WDR70: variants seen among roughly 807,000 people sequenced by gnomAD.
WDR70 encodes WD repeat-containing protein 70.
A neutral mutation model predicts 88.6 loss-of-function variants in WDR70; 53 were observed. That is an observed-to-expected ratio of 0.60 (90% CI 0.48 to 0.75). The LOEUF is 0.75. Among genes scored for constraint, WDR70 ranks in the 30% least tolerant of loss-of-function variants. The pLI is 0.00. For synonymous variants in WDR70, 280 were observed against 270.0 expected (o/e 1.04, Z -0.36); for missense variants, 610 against 823.2 (o/e 0.74, Z 3.17).
chr5:37,389,595 G>A (rs573253496), intron 3 of WDR70, among the ~76,000 whole-genome samples: 2 of 152,010 alleles, frequency 1.3e-5, no homozygotes, highest in South Asian at 2.1e-4. Context: ...TGTATTTTTA[G>A]TAGAGACGGG....
intron 10 of WDR70, among the ~76,000 whole-genome samples, chr5:37,688,229 C>T (rs1332679404): frequency 6.6e-6 from 1 of 152,132 alleles, no homozygotes; most frequent in Admixed American, 6.5e-5. Flanking sequence ...ACTTCAATCT[C>T]TTTATTTTAC....
At chr5:37,600,716 A>C (rs1743856346) in intron 9 of WDR70, among the ~76,000 whole-genome samples, 1 of 152,172 alleles carries the variant, frequency 6.6e-6, no homozygotes, top group Non-Finnish European at 1.5e-5. Flanking sequence ...CATTTTTCAT[A>C]CCCACTAGAA....
At chr5:37,730,251 T>G (rs1561095256) in intron 17 of WDR70, among the ~76,000 whole-genome samples, 2 of 152,186 alleles carry the variant, frequency 1.3e-5, no homozygotes, top group Non-Finnish European at 2.9e-5. Context: ...AGTATGAAAT[T>G]TAACTTTAAA....
At chr5:37,695,646 A>G (rs1403819895) in intron 10 of WDR70, among the ~76,000 whole-genome samples, 1 of 152,138 alleles carries the variant, frequency 6.6e-6, no homozygotes, top group Non-Finnish European at 1.5e-5. Flanking sequence ...CACTTCTCAT[A>G]TCTCAAATTT....
At chr5:37,497,684 A>AT (rs1740273339) in intron 8 of WDR70, among the ~76,000 whole-genome samples, 1 of 151,518 alleles carries the variant, frequency 6.6e-6, no homozygotes, top group Non-Finnish European at 1.5e-5. Context: ...TTAATTAATT[A>AT]TTTTTTTTCT....
chr5:37,737,477 G>C (rs1218459755), intron 17 of WDR70, among the ~76,000 whole-genome samples: 1 of 152,154 alleles, frequency 6.6e-6, no homozygotes, highest in East Asian at 1.9e-4. Context: ...TGTAACAGAG[G>C]GAACACTGGA....
At chr5:37,495,809 T>G (rs1432289676) in intron 8 of WDR70, among the ~76,000 whole-genome samples, 1 of 152,218 alleles carries the variant, frequency 6.6e-6, no homozygotes, top group Non-Finnish European at 1.5e-5. Context: ...GAATCCTTAG[T>G]TGAACTTCAT....
intron 5 of WDR70, among the ~76,000 whole-genome samples, chr5:37,426,890 C>T (rs1459571186): frequency 6.6e-6 from 1 of 151,678 alleles, no homozygotes; most frequent in Non-Finnish European, 1.5e-5. Context: ...ATGATCCCAC[C>T]TCAGTCTCCC....
At chr5:37,659,998 A>T (rs1745659815) in intron 10 of WDR70, among the ~76,000 whole-genome samples, 1 of 152,186 alleles carries the variant, frequency 6.6e-6, no homozygotes, top group African/African-American at 2.4e-5. Context: ...TTTATGTCAA[A>T]ATATTTTCTA....
At chr5:37,506,229 A>G in intron 8 of WDR70, 1 of 969,422 alleles carries the variant, frequency 1.0e-6, no homozygotes, top group Non-Finnish European at 1.7e-6. Context: ...TGGAGTTGCT[A>G]TCAAAAATCG....
chr5:37,636,401 C>T (rs1399175525), intron 10 of WDR70, among the ~76,000 whole-genome samples: 1 of 152,202 alleles, frequency 6.6e-6, no homozygotes, highest in South Asian at 2.1e-4. Flanking sequence ...TTATTGTAAT[C>T]AGGAATCATT....
intron 17 of WDR70, among the ~76,000 whole-genome samples, chr5:37,728,364 C>CAA (rs5867361): frequency 7.4e-6 from 1 of 134,316 alleles, no homozygotes; most frequent in Admixed American, 7.4e-5. Context: ...AAAAAAAAAA[C>CAA]AAAAAAAAAA....
intron 9 of WDR70, among the ~76,000 whole-genome samples, chr5:37,559,973 C>T (rs1285206046): frequency 6.6e-6 from 1 of 151,714 alleles, no homozygotes; most frequent in African/African-American, 2.4e-5. Flanking sequence ...CTTGTTTTGA[C>T]TCATGAGCTT....
intron 9 of WDR70, among the ~76,000 whole-genome samples, chr5:37,530,923 T>G (rs1741463866): frequency 6.6e-6 from 1 of 152,138 alleles, no homozygotes; most frequent in Admixed American, 6.6e-5. Context: ...CTTTCTGATG[T>G]AGGCATTTAA....
At chr5:37,405,666 C>T (rs1160238614) in intron 5 of WDR70, among the ~76,000 whole-genome samples, 1 of 151,992 alleles carries the variant, frequency 6.6e-6, no homozygotes, top group Non-Finnish European at 1.5e-5. Context: ...ATTAAAAAAA[C>T]CCAAAGGAAA....
chr5:37,498,779 A>G (rs939992550), intron 8 of WDR70, among the ~76,000 whole-genome samples: 3 of 152,192 alleles, frequency 2.0e-5, no homozygotes, highest in African/African-American at 7.2e-5. Context: ...TACCAACAAA[A>G]CTTTATGAAG....
chr5:37,669,802 A>G lies in WDR70; in HGVS notation c.1093-27853A>G, dbSNP rs536485157. Among the ~76,000 whole-genome samples, 4 of 152,372 alleles carry G rather than the reference A, an allele frequency of 2.6e-5. No homozygotes were observed. In the East Asian group the frequency reaches 7.7e-4, roughly 29 times the overall value. On this transcript the variant is annotated intron_variant, in intron 10 of 17. Coordinates refer to ENST00000265107, the MANE Select transcript of WDR70 (RefSeq NM_018034.4). The stretch of plus-strand genomic sequence containing the variant: ...ATCAGCTGATGAATGGATAAATAAA[A>G]TGTGGTACATCCATACAGTGAAATA...
At chr5:37,594,098 T>C (rs1015655817) in intron 9 of WDR70, among the ~76,000 whole-genome samples, 3 of 152,230 alleles carry the variant, frequency 2.0e-5, no homozygotes, top group Admixed American at 2.0e-4. Context: ...TTCTGCAGGT[T>C]GCCTGTTCAC....
intron 7 of WDR70, 189 bp from the exon 8 acceptor site, chr5:37,479,645 A>C: frequency 1.8e-6 from 1 of 570,834 alleles, no homozygotes; most frequent in Non-Finnish European, 3.0e-6. Flanking sequence ...TATTGGGATT[A>C]TAGGCATGAG....
Sources: gnomAD v4.1 joint callset for allele counts (sites outside exome capture counted in the v4.1 genomes callset) on GRCh38, gnomAD v4.1.1 for gene constraint, MANE v1.5 for transcripts, NCBI Gene and HGNC (gene_info 2026-07-23, HGNC 2026-07-21) for gene names.